PARP4: variants seen among roughly 807,000 people sequenced by gnomAD.
The protein encoded by PARP4 is protein mono-ADP-ribosyltransferase PARP4.
PARP4 carries 120 observed loss-of-function variants against 187.7 expected under a neutral mutation model. That is an observed-to-expected ratio of 0.64 (90% CI 0.55 to 0.74). The LOEUF is 0.74. Among genes scored for constraint, PARP4 ranks in the 30% least tolerant of loss-of-function variants. The pLI is 0.00. For synonymous variants in PARP4, 654 were observed against 740.9 expected (o/e 0.88, Z 1.90); for missense variants, 1,836 against 2,070.5 (o/e 0.89, Z 2.20).
chr13:24,434,086 C>G lies in PARP4; in HGVS notation c.4746+309G>C, dbSNP rs528348520. ...TAGAATCTAGGAAATTAAGATCTCACCCCATCATCTGTTCAGAGATGTTCA... is the reference window on the plus strand; with the variant it reads ...TAGAATCTAGGAAATTAAGATCTCAGCCCATCATCTGTTCAGAGATGTTCA... On this transcript the variant is annotated intron_variant, in intron 31 of 33. Transcript: ENST00000381989. 1.1e-4 allele frequency among the ~76,000 whole-genome samples: 17 copies of G among 152,300 alleles called. No homozygotes were observed. In the East Asian group the frequency reaches 2.7e-3, roughly 24 times the overall value.
Position 24,447,029 on chromosome 13 carries a change from G to C in PARP4, c.3272C>G (p.Pro1091Arg). 6.3e-7 allele frequency: 1 copy of C among 1,594,126 alleles called. No individual in the cohort carries two copies. Among genetic ancestry groups the C allele is most frequent in the Non-Finnish European group, 8.5e-7 (1 of 1,172,372 alleles). The change falls in exon 26 of 34, where the codon CCT (proline) becomes CGT (arginine). Residue 1091 changes from proline to arginine, a missense_variant. By Grantham distance (103) the Pro-to-Arg change is moderately radical. This residue lies in a region of PARP4 where 56 missense variants were observed against 56.6 expected (regional missense o/e 0.99). Coordinates refer to ENST00000381989, the MANE Select transcript of PARP4 (RefSeq NM_006437.4). Reference protein sequence around the residue: ...NDRLLVYGFIPHCTQATLCAL... With the variant: ...NDRLLVYGFIRHCTQATLCAL... Reference sequence around the variant, plus strand: ...GCGTCTTCTTACCTGTGTGCAGTGAGGAATGAATCCATAGACAAGGAGTCG... The same window carrying C: ...GCGTCTTCTTACCTGTGTGCAGTGACGAATGAATCCATAGACAAGGAGTCG...
chr13:24,460,032 A>G lies in PARP4; in HGVS notation c.2238T>C (p.Phe746=), dbSNP rs778932561. ...AGGGTGCTACGGTGGCGGGCATGAA[A>G]AAGACACCAACAGTGCCCAGGATGC... ...ELSILGTVGV[F]FMPATVAPWQ... Residue 746 remains phenylalanine (F), a synonymous_variant, in exon 18 of 34, where the codon TTT becomes TTC. Coordinates refer to ENST00000381989, the MANE Select transcript of PARP4 (RefSeq NM_006437.4). The G allele has an allele frequency of 1.7e-5, 27 of 1,614,000 alleles. No homozygotes were observed. Among genetic ancestry groups the G allele is most frequent in the Non-Finnish European group, 2.2e-5 (26 of 1,180,010 alleles).
chr13:24,422,306 G>A (rs535234042), intron 33 of PARP4, among the ~76,000 whole-genome samples: 237 of 151,360 alleles, frequency 1.6e-3, no homozygotes, highest in Non-Finnish European at 1.3e-3. Context: ...ATAAATGTTC[G>A]CTGAATGTCA....
At chr13:24,500,056 T>TA (rs370389346) in intron 4 of PARP4, among the ~76,000 whole-genome samples, 102 of 148,492 alleles carry the variant, frequency 6.9e-4, no homozygotes, top group South Asian at 4.1e-3. Context: ...TTAAAAGAAT[T>TA]AAAAAAAAAA....
At chr13:24,488,078 A>C (rs990352270) in intron 10 of PARP4, among the ~76,000 whole-genome samples, 8 of 152,340 alleles carry the variant, frequency 5.3e-5, no homozygotes, top group Admixed American at 1.3e-4. Flanking sequence ...CCCTAGGAAG[A>C]AGCCCACTTT....
intron 23 of PARP4, among the ~76,000 whole-genome samples, 181 bp from the exon 24 acceptor site, chr13:24,452,774 TATA>T (rs1871593735): frequency 1.3e-5 from 2 of 152,200 alleles, no homozygotes; most frequent in South Asian, 4.1e-4. Flanking sequence ...ACACAGTAAC[TATA>T]ATATTATCAC....
intron 10 of PARP4, among the ~76,000 whole-genome samples, chr13:24,489,860 G>A (rs181995540): frequency 2.6e-5 from 4 of 152,202 alleles, no homozygotes; most frequent in East Asian, 3.9e-4. Flanking sequence ...TTTCCATGGC[G>A]CAAATCCTCC....
In PARP4 at chr13:24,479,951, C is replaced by G. The variant is rs189842924; in HGVS notation, c.1449-1675G>C. Reference sequence around the variant, plus strand: ...CCACGAGCCCACCGGGAGGAACGAACAACTCCAGATGCGCCGCCTTAAGAG... The same window carrying G: ...CCACGAGCCCACCGGGAGGAACGAAGAACTCCAGATGCGCCGCCTTAAGAG... On this transcript the variant is annotated intron_variant, in intron 12 of 33. Transcript: ENST00000381989. Among the ~76,000 whole-genome samples, 749 of 152,270 alleles carry G rather than the reference C, an allele frequency of 4.9e-3. 8 individuals carry two copies. The highest frequency in any genetic ancestry group is 0.017 in the African/African-American group (719 of 41,528).
At position 24,435,345 on chromosome 13, in the gene PARP4, A is replaced by C; in HGVS notation, c.3796T>G (p.Leu1266Val). 2 of 1,612,614 alleles carry C rather than the reference A, an allele frequency of 1.2e-6. No homozygotes were observed. The highest frequency in any genetic ancestry group is 1.7e-6 in the Non-Finnish European group (2 of 1,179,928). Residue 1266 changes from leucine (L) to valine (V), a missense_variant, in exon 31 of 34, where the codon TTA (leucine) becomes GTA (valine). Leu to Val is a conservative substitution (Grantham distance 32). Transcript: ENST00000381989. Reference sequence around the variant, plus strand: ...GATGTGAAAGCTGGTAGTACACCTAAGCCATCCTCTTCAAAATCTTCAGAA... The same window carrying C: ...GATGTGAAAGCTGGTAGTACACCTACGCCATCCTCTTCAAAATCTTCAGAA... The part of the protein sequence containing the change: ...EVSEDFEEDG[L>V]GVLPAFTSNL...
At chr13:24,507,454 G>A (rs1458685021) in intron 1 of PARP4, among the ~76,000 whole-genome samples, 2 of 152,186 alleles carry the variant, frequency 1.3e-5, no homozygotes, top group Non-Finnish European at 2.9e-5. Context: ...CCACAGAGGT[G>A]CGACGTCCCC....
chr13:24,421,393 T>C, intron 33 of PARP4, 79 bp from the exon 34 acceptor site: 2 of 581,854 alleles, frequency 3.4e-6, no homozygotes, highest in South Asian at 4.5e-5. Flanking sequence ...TCACATTATA[T>C]CAGACAAAAT....
intron 23 of PARP4, 72 bp from the exon 24 acceptor site, chr13:24,452,665 C>G: frequency 8.2e-7 from 1 of 1,214,200 alleles, no homozygotes; most frequent in Non-Finnish European, 1.2e-6. Flanking sequence ...ATCATTGACA[C>G]ATCTAAGGAC....
At chr13:24,494,197 CATTT>C (rs1354081872) in intron 7 of PARP4, among the ~76,000 whole-genome samples, 14 of 152,292 alleles carry the variant, frequency 9.2e-5, no homozygotes, top group Non-Finnish European at 1.6e-4. Flanking sequence ...TCCCTCCTGA[CATTT>C]ATTTATTTAC....
chr13:24,451,854 C>G (rs1871536386), intron 24 of PARP4: 1 of 152,714 alleles, frequency 6.5e-6, no homozygotes, highest in African/African-American at 2.4e-5. Context: ...GGGTGTTAGC[C>G]TCTCATGGAA....
At chr13:24,469,172 A>G in intron 16 of PARP4, 62 bp from the exon 17 acceptor site, 2 of 1,120,568 alleles carry the variant, frequency 1.8e-6, no homozygotes, top group Non-Finnish European at 2.7e-6. Flanking sequence ...TTTAATGAAG[A>G]AAACAACATC....
chr13:24,438,207 T>C (rs922615610), intron 30 of PARP4, among the ~76,000 whole-genome samples: 21 of 152,246 alleles, frequency 1.4e-4, no homozygotes, highest in African/African-American at 5.1e-4. Flanking sequence ...ACTGGTTTCA[T>C]GGAAGGCAAT....
At chr13:24,457,989 G>A (rs1477141988) in intron 20 of PARP4, among the ~76,000 whole-genome samples, 9 of 151,994 alleles carry the variant, frequency 5.9e-5, no homozygotes, top group Admixed American at 5.2e-4. Context: ...AGGAAAATAG[G>A]CTGGGTGTGG....
chr13:24,439,852 C>A (rs1299624650), intron 30 of PARP4, among the ~76,000 whole-genome samples: 2 of 152,156 alleles, frequency 1.3e-5, no homozygotes, highest in Non-Finnish European at 2.9e-5. Context: ...AGCCCCTCAG[C>A]TTAGCCCCTC....
intron 12 of PARP4, among the ~76,000 whole-genome samples, chr13:24,481,236 G>A (rs1300254366): frequency 6.6e-6 from 1 of 152,246 alleles, no homozygotes; most frequent in Non-Finnish European, 1.5e-5. Flanking sequence ...AACAAAAAAG[G>A]TTCTTTTCAA....
Sources: allele counts gnomAD v4.1 joint callset (sites outside exome capture counted in the v4.1 genomes callset), GRCh38; gene constraint gnomAD v4.1.1; regional missense constraint gnomAD v4.1.1; transcripts MANE v1.5; gene names NCBI Gene and HGNC (gene_info 2026-07-23, HGNC 2026-07-21).